Variants in PRKACB observed in about 807,000 individuals in gnomAD.
PRKACB encodes the protein cAMP-dependent protein kinase catalytic subunit beta.
A neutral mutation model predicts 51.4 loss-of-function variants in PRKACB; 16 were observed. The ratio of observed to expected loss-of-function variants is 0.31; its 90% CI spans 0.21 to 0.47. The LOEUF (loss-of-function observed/expected upper bound fraction) is 0.47, where lower values mean the gene tolerates loss of function less well. Among genes scored for constraint, PRKACB ranks in the 20% least tolerant of loss-of-function variants. The pLI is 1.00. For missense variants in PRKACB, 309 were observed against 464.5 expected (o/e 0.67, Z 3.08); for synonymous variants, 147 against 154.4 (o/e 0.95, Z 0.35).
At chr1:84,181,874 T>C in intron 2 of PRKACB, 1 of 567,918 alleles carries the variant, frequency 1.8e-6, no homozygotes, top group Non-Finnish European at 2.8e-6. Flanking sequence ...AACTAATTTA[T>C]TGGAAGTTCA....
Position 84,184,050 on chromosome 1 carries a change from A to G in PRKACB, c.392A>G (p.Lys131Arg). The change falls in exon 4 of 10, where the codon AAG (lysine) becomes AGG (arginine). Residue 131 changes from lysine to arginine, a missense_variant. Lys to Arg is a conservative substitution (Grantham distance 26). This residue lies in a region of PRKACB where 153 missense variants were observed against 190.2 expected (regional missense o/e 0.80). Transcript: ENST00000370685. The part of the protein sequence containing the change: ...ILDKQKVVKL[K>R]QIEHTLNEKR... The stretch of plus-strand genomic sequence containing the variant: ...TCTCAATTACAGGTTGTTAAACTGA[A>G]GCAAATAGAGCATACTTTGAATGAG... 1 of 1,589,274 alleles carries G rather than the reference A, an allele frequency of 6.3e-7. No individual in the cohort carries two copies.
intron 1 of PRKACB, among the ~76,000 whole-genome samples, chr1:84,114,182 T>C (rs962706771): frequency 2.0e-5 from 3 of 152,078 alleles, no homozygotes; most frequent in Non-Finnish European, 4.4e-5. Flanking sequence ...TTTGTAATAC[T>C]GGAAACTAGA....
At chr1:84,222,415 A>G (rs1558322263) in intron 9 of PRKACB, among the ~76,000 whole-genome samples, 1 of 152,162 alleles carries the variant, frequency 6.6e-6, no homozygotes, top group African/African-American at 2.4e-5. Context: ...ATTTATTTAC[A>G]TTTAAAGTTA....
intron 1 of PRKACB, among the ~76,000 whole-genome samples, chr1:84,127,728 C>T (rs1651755607): frequency 6.6e-6 from 1 of 151,856 alleles, no homozygotes; most frequent in African/African-American, 2.4e-5. Flanking sequence ...TGTTATTTTG[C>T]TAACACATTC....
chr1:84,098,450 A>G (rs891703608), intron 1 of PRKACB, among the ~76,000 whole-genome samples: 5 of 152,070 alleles, frequency 3.3e-5, no homozygotes, highest in African/African-American at 4.8e-5. Context: ...TAAAAGACCT[A>G]TTATCTTTGT....
chr1:84,090,650 A>G (rs938597685), intron 1 of PRKACB, among the ~76,000 whole-genome samples: 1 of 152,170 alleles, frequency 6.6e-6, no homozygotes, highest in Non-Finnish European at 1.5e-5. Flanking sequence ...TGACCTCTAC[A>G]TGTGGCTTGG....
intron 1 of PRKACB, among the ~76,000 whole-genome samples, chr1:84,091,752 A>AC (rs1648492268): frequency 6.6e-6 from 1 of 152,056 alleles, no homozygotes; most frequent in Non-Finnish European, 1.5e-5. Context: ...CGATCCACCC[A>AC]CCTCAGCCTT....
chr1:84,144,505 C>G lies in PRKACB; in HGVS notation c.144C>G (p.Asp48Glu). ...AHDQKTALEN[D>E]SLHFSEHTAL... ...ATCAGAAAACAGCTCTGGAAAATGACAGCCTTCATTTCTCTGAACATACTG... is the reference window on the plus strand; with the variant it reads ...ATCAGAAAACAGCTCTGGAAAATGAGAGCCTTCATTTCTCTGAACATACTG... Residue 48 changes from aspartate to glutamate, a missense_variant, in exon 1 of 10, where the codon GAC (aspartate) becomes GAG (glutamate). By Grantham distance (45) the Asp-to-Glu change is conservative (BLOSUM62 2). Around this residue, in one of 3 missense-constraint regions of PRKACB, gnomAD observed 153 missense variants for 190.2 expected, o/e 0.80. Transcript: ENST00000370685. 1 of 1,610,648 alleles carries G rather than the reference C, an allele frequency of 6.2e-7. No homozygotes were observed.
At chr1:84,086,359 C>G (rs1416816175) in intron 1 of PRKACB, 1 of 641,370 alleles carries the variant, frequency 1.6e-6, no homozygotes, top group Admixed American at 2.5e-5. Context: ...TCTGAGCTGG[C>G]GGACTGCCCA....
At chr1:84,108,214 A>G (rs937893918) in intron 1 of PRKACB, among the ~76,000 whole-genome samples, 1 of 152,066 alleles carries the variant, frequency 6.6e-6, no homozygotes, top group Non-Finnish European at 1.5e-5. Flanking sequence ...CTAGTAAACT[A>G]ACAAAGGAGC....
At chr1:84,087,567 T>A (rs900903550) in intron 1 of PRKACB, among the ~76,000 whole-genome samples, 169 of 152,284 alleles carry the variant, frequency 1.1e-3, no homozygotes, top group African/African-American at 3.9e-3. Flanking sequence ...TTTTTATTTT[T>A]ATTTATTTAT....
At chr1:84,148,534 G>T (rs1271720260) in intron 1 of PRKACB, among the ~76,000 whole-genome samples, 1 of 152,040 alleles carries the variant, frequency 6.6e-6, no homozygotes, top group Non-Finnish European at 1.5e-5. Flanking sequence ...TAAATCTTGA[G>T]TTATTTGTTA....
chr1:84,127,921 AT>A (rs1204999780), intron 1 of PRKACB, among the ~76,000 whole-genome samples: 5 of 151,712 alleles, frequency 3.3e-5, no homozygotes, highest in African/African-American at 1.2e-4. Context: ...CAAATTTTAC[AT>A]TGTGTAAAAA....
chr1:84,202,613 A>G, intron 7 of PRKACB, 70 bp from the exon 8 acceptor site: 1 of 1,455,386 alleles, frequency 6.9e-7, no homozygotes, highest in East Asian at 2.4e-5. Context: ...ATCATTTTGA[A>G]ATTATCTTTG....
intron 1 of PRKACB, among the ~76,000 whole-genome samples, chr1:84,146,903 AAT>A (rs1220891383): frequency 6.6e-6 from 1 of 152,044 alleles, no homozygotes; most frequent in Non-Finnish European, 1.5e-5. Flanking sequence ...TGATTAAATA[AAT>A]ATGTAACAGC....
intron 1 of PRKACB, among the ~76,000 whole-genome samples, chr1:84,102,934 T>G (rs1649462876): frequency 6.6e-6 from 1 of 152,192 alleles, no homozygotes. Context: ...TCCATTGCAA[T>G]TTCTATTCCT....
intron 8 of PRKACB, chr1:84,204,457 C>G: frequency 6.6e-7 from 1 of 1,520,834 alleles, no homozygotes; most frequent in Non-Finnish European, 9.1e-7. Context: ...GACTTCTTAT[C>G]TTTGTAATTG....
intron 1 of PRKACB, among the ~76,000 whole-genome samples, chr1:84,094,993 T>A (rs1648812260): frequency 6.6e-6 from 1 of 151,968 alleles, no homozygotes; most frequent in African/African-American, 2.4e-5. Context: ...CAGAATTCAG[T>A]TAGTAACATG....
intron 1 of PRKACB, among the ~76,000 whole-genome samples, chr1:84,120,598 G>A (rs1439139801): frequency 2.0e-5 from 3 of 151,932 alleles, no homozygotes; most frequent in Non-Finnish European, 4.4e-5. Flanking sequence ...AAGCATTTTA[G>A]GAATTTCTTA....
Sources: gnomAD v4.1 joint callset for allele counts (sites outside exome capture counted in the v4.1 genomes callset) on GRCh38, gnomAD v4.1.1 for gene constraint, gnomAD v4.1.1 regional missense constraint, MANE v1.5 for transcripts, NCBI Gene and HGNC (gene_info 2026-07-23, HGNC 2026-07-21) for gene names.